Variants in ACOT7 observed in about 807,000 individuals in gnomAD.
ACOT7 encodes the protein acyl-CoA thioesterase 7.
Under a neutral mutation model 40.2 loss-of-function variants are expected in ACOT7, and 12 were observed. The ratio of observed to expected loss-of-function variants is 0.30; its 90% CI spans 0.19 to 0.48. The LOEUF is 0.48. ACOT7 is among the 20% of genes least tolerant of loss of function. The pLI, the probability that ACOT7 is intolerant of heterozygous loss-of-function variation, is 0.99. For missense variants in ACOT7, 395 were observed against 530.8 expected, an observed-to-expected ratio of 0.74 and a Z score of 2.51; for synonymous variants, 228 against 219.5, an observed-to-expected ratio of 1.04 and a Z score of -0.34.
chr1:6,271,478 C>T (rs945305785), intron 8 of ACOT7, among the ~76,000 whole-genome samples: 1 of 152,162 alleles, frequency 6.6e-6, no homozygotes, highest in East Asian at 1.9e-4. Flanking sequence ...TCAGCACGGC[C>T]GGGCGAGGGG....
intron 3 of ACOT7, among the ~76,000 whole-genome samples, chr1:6,334,479 G>A (rs1641046388): frequency 6.6e-6 from 1 of 152,256 alleles, no homozygotes; most frequent in Admixed American, 6.5e-5. Flanking sequence ...GGCCCCCACA[G>A]CCCAAAGCAC....
intron 4 of ACOT7, among the ~76,000 whole-genome samples, chr1:6,331,371 C>G (rs535270696): frequency 6.6e-6 from 1 of 152,328 alleles, no homozygotes; most frequent in East Asian, 1.9e-4. Context: ...AAGATGGAGG[C>G]AGAAGCTTCA....
At chr1:6,388,161 T>A (rs1642471330) in intron 1 of ACOT7, among the ~76,000 whole-genome samples, 1 of 151,930 alleles carries the variant, frequency 6.6e-6, no homozygotes, top group South Asian at 2.1e-4. Context: ...CAGGCTGGAG[T>A]GCAGTGGCGG....
At position 6,264,442 on chromosome 1, in the gene ACOT7, G is replaced by T; in HGVS notation, c.*155C>A. On this transcript the variant is annotated 3_prime_UTR_variant, in exon 9 of 9. Coordinates refer to ENST00000361521, the MANE Select transcript of ACOT7 (RefSeq NM_007274.4). ...AAAGCTTTGGTGTGTAGGTTTGCAG[G>T]AGAGAGTACAGGTTAACACTGTGAT... 1.6e-6 allele frequency: 1 copy of T among 633,372 alleles called. No individual in the cohort carries two copies. The highest frequency in any genetic ancestry group is 2.7e-6 in the Non-Finnish European group (1 of 365,624). 39.2% of individuals were successfully genotyped at this position (633,372 alleles called of 1,614,324 possible).
chr1:6,327,416 G>A lies in ACOT7; in HGVS notation c.511-3C>T, dbSNP rs770003985. ...TCCTCCTGCTCCTGCCGGGAATACT[G>A]CGAGAAACCAAAGACAGGTCAGGCC... On this transcript the variant is annotated splice_polypyrimidine_tract_variant and splice_region_variant and intron_variant, in intron 4 of 8. Coordinates refer to ENST00000361521, the MANE Select transcript of ACOT7 (RefSeq NM_007274.4). 4 of 1,613,968 alleles carry A rather than the reference G, an allele frequency of 2.5e-6. No individual in the cohort carries two copies. The South Asian group carries it at 3.3e-5, about 13-fold the overall frequency.
chr1:6,269,893 T>G (rs1312689936), intron 8 of ACOT7, among the ~76,000 whole-genome samples: 2 of 152,150 alleles, frequency 1.3e-5, no homozygotes, highest in African/African-American at 2.4e-5. Context: ...CCTCCCAAGG[T>G]GCGGGCGGCC....
Position 6,306,619 on chromosome 1 carries a change from C to T in ACOT7, c.713-11639G>A. 1.0e-6 allele frequency: 1 copy of T among 985,454 alleles called. No individual in the cohort carries two copies. The highest frequency in any genetic ancestry group is 5.2e-4 in the Middle Eastern group (1 of 1,914). The allele number at this position is 985,454 out of a possible 1,614,324, so 61.0% of individuals were successfully genotyped here. Reference sequence around the variant, plus strand: ...AAGGCGAGTACTAGAAGGAATTTAACTGCAGCCTGTGCCACTCAGCTTCAC... The same window carrying T: ...AAGGCGAGTACTAGAAGGAATTTAATTGCAGCCTGTGCCACTCAGCTTCAC... On this transcript the variant is annotated intron_variant, in intron 6 of 8. Transcript: ENST00000361521. This position sits in a 1 kb window ranked among gnomAD's most constrained non-coding sequence, Gnocchi z 4.3.
intron 7 of ACOT7, among the ~76,000 whole-genome samples, chr1:6,287,266 G>C (rs1345733459): frequency 6.6e-6 from 1 of 152,250 alleles, no homozygotes; most frequent in South Asian, 2.1e-4. Context: ...GCCAGGTGGG[G>C]TTTAGGCCAG....
chr1:6,360,707 C>T (rs1469084407), intron 1 of ACOT7: 2 of 1,613,414 alleles, frequency 1.2e-6, no homozygotes, highest in Non-Finnish European at 1.7e-6. Context: ...AAATGGAACT[C>T]AAGGAATGAG....
chr1:6,303,834 A>G (rs148110947), intron 6 of ACOT7, among the ~76,000 whole-genome samples: 8 of 152,262 alleles, frequency 5.3e-5, no homozygotes, highest in Non-Finnish European at 1.2e-4. Flanking sequence ...GACGTCTGGG[A>G]GCATCATAGA....
chr1:6,354,357 A>T (rs1641679394), intron 1 of ACOT7, among the ~76,000 whole-genome samples: 1 of 152,226 alleles, frequency 6.6e-6, no homozygotes, highest in African/African-American at 2.4e-5. Flanking sequence ...GGCTACGAGG[A>T]GAGGGAATGT....
rs3789501 is a variant in ACOT7, at chr1:6,291,846, A to G, written c.829+3018T>C. Reference sequence around the variant, plus strand: ...ACACACCCACCCAGTGTCACCCAGAACCCAGAGCCAGCAGGGGCCGTGCCT... The same window carrying G: ...ACACACCCACCCAGTGTCACCCAGAGCCCAGAGCCAGCAGGGGCCGTGCCT... On this transcript the variant is annotated intron_variant, in intron 7 of 8. Coordinates refer to ENST00000361521, the MANE Select transcript of ACOT7 (RefSeq NM_007274.4). Among the ~76,000 whole-genome samples, 1,411 of 152,228 alleles carry G rather than the reference A, an allele frequency of 9.3e-3. 9 individuals are homozygous for G. Among genetic ancestry groups the G allele is most frequent in the Middle Eastern group, 0.041 (12 of 294 alleles).
intron 6 of ACOT7, among the ~76,000 whole-genome samples, chr1:6,315,181 C>G (rs1022510305): frequency 1.3e-5 from 2 of 152,188 alleles, no homozygotes; most frequent in Admixed American, 6.5e-5. Flanking sequence ...AAGACCAAGG[C>G]TAGCCAGTGT....
At position 6,311,785 on chromosome 1, in the gene ACOT7, C is replaced by T. The variant is rs1049801667; in HGVS notation, c.712+6707G>A. Among the ~76,000 whole-genome samples the T allele has an allele frequency of 8.5e-5, 13 of 152,148 alleles. No individual in the cohort carries two copies. The highest frequency in any genetic ancestry group is 1.9e-4 in the African/African-American group (8 of 41,434). ...TCCAGGAGCGCCCCTTTCTCACAGC[C>T]GTTTCTCTTTCCCAGGGTAGGACGT... is the stretch of plus-strand genomic sequence containing the variant. On this transcript the variant is annotated intron_variant, in intron 6 of 8. Coordinates refer to ENST00000361521, the MANE Select transcript of ACOT7 (RefSeq NM_007274.4). The surrounding 1 kb of genome is among the most constrained non-coding windows in gnomAD (Gnocchi z 5.2).
At chr1:6,365,541 G>A (rs997304758) in intron 1 of ACOT7, among the ~76,000 whole-genome samples, 1 of 152,100 alleles carries the variant, frequency 6.6e-6, no homozygotes, top group Non-Finnish European at 1.5e-5. Flanking sequence ...AGGCCAAGGT[G>A]GGTGGATCAC....
In ACOT7 at chr1:6,294,025, C is replaced by T. The variant is rs901692326; in HGVS notation, c.829+839G>A. Among the ~76,000 whole-genome samples the T allele has an allele frequency of 6.6e-5, 10 of 152,214 alleles. No homozygotes were observed. The highest frequency in any genetic ancestry group is 1.5e-4 in the Non-Finnish European group (10 of 68,036). On this transcript the variant is annotated intron_variant, in intron 7 of 8. Transcript: ENST00000361521. This position sits in a 1 kb window ranked among gnomAD's most constrained non-coding sequence, Gnocchi z 4.6. ...GCCAAGCTTGCACTTCTTCCACTCT[C>T]GCTTCCCACGACAAGGGGCTGGTCT... is the stretch of plus-strand genomic sequence containing the variant.
chr1:6,333,687 T>A (rs1641023152), intron 3 of ACOT7, 119 bp from the exon 4 acceptor site: 1 of 947,316 alleles, frequency 1.1e-6, no homozygotes, highest in South Asian at 1.5e-5. Context: ...CACACCACAG[T>A]GTGCACCACC....
intron 5 of ACOT7, among the ~76,000 whole-genome samples, chr1:6,320,963 G>A (rs944602256): frequency 1.3e-5 from 2 of 152,190 alleles, no homozygotes; most frequent in Non-Finnish European, 2.9e-5. Context: ...ATACAGCAGC[G>A]GAAGAGGGAA....
At chr1:6,369,663 C>T (rs1454275143) in intron 1 of ACOT7, among the ~76,000 whole-genome samples, 1 of 152,076 alleles carries the variant, frequency 6.6e-6, no homozygotes, top group Admixed American at 6.6e-5. Flanking sequence ...ACTGCAAGCT[C>T]CGCCTTCCAG....
Sources: gnomAD v4.1 joint callset for allele counts (sites outside exome capture counted in the v4.1 genomes callset) on GRCh38, gnomAD v4.1.1 for gene constraint, Gnocchi (gnomAD v3.1) non-coding constraint, MANE v1.5 for transcripts, NCBI Gene and HGNC (gene_info 2026-07-23, HGNC 2026-07-21) for gene names.